RCC2: variants seen among roughly 807,000 people sequenced by gnomAD.
RCC2 encodes the protein regulator of chromosome condensation 2.
RCC2 carries 19 observed loss-of-function variants against 64.1 expected under a neutral mutation model. The ratio of observed to expected loss-of-function variants is 0.30; its 90% CI spans 0.21 to 0.44. The LOEUF (loss-of-function observed/expected upper bound fraction) is 0.44, where lower values mean the gene tolerates loss of function less well. RCC2 is among the 20% of genes least tolerant of loss of function. The probability of loss-of-function intolerance (pLI) is 1.00; values close to 1 mark genes in which losing one functional copy is unlikely to be tolerated. For missense variants in RCC2, 508 were observed against 710.4 expected, an observed-to-expected ratio of 0.72 and a Z score of 3.24; for synonymous variants, 325 against 279.6, an observed-to-expected ratio of 1.16 and a Z score of -1.62.
chr1:17,410,771 G>A (rs985531553), intron 11 of RCC2, among the ~76,000 whole-genome samples: 2 of 152,144 alleles, frequency 1.3e-5, no homozygotes, highest in African/African-American at 2.4e-5. Context: ...CCACACAGTA[G>A]ATGTTCCCTC....
At chr1:17,413,503 A>G (rs200936567) in intron 9 of RCC2, 34 bp downstream of exon 9, 46 of 1,607,386 alleles carry the variant, frequency 2.9e-5, no homozygotes, top group Non-Finnish European at 2.2e-5. Flanking sequence ...TCCGCACCAG[A>G]GCACTGATAA....
At chr1:17,429,579 C>G (rs1486828566) in intron 2 of RCC2, among the ~76,000 whole-genome samples, 1 of 152,200 alleles carries the variant, frequency 6.6e-6, no homozygotes, top group Non-Finnish European at 1.5e-5. Context: ...CATCCTAGGG[C>G]CAAGTCTCTA....
At position 17,409,159 on chromosome 1, in the gene RCC2, T is replaced by G. The variant is rs560459221; in HGVS notation, c.1500A>C (p.Ala500=). The G allele has an allele frequency of 1.3e-4, 217 of 1,614,116 alleles. 1 individual carries two copies. Among genetic ancestry groups the G allele is most frequent in the South Asian group, 7.2e-4 (66 of 91,084 alleles). ...CTTTCTCAGTCTCACTTTCATCTCT[T>G]GCTATCACCAAGGAGTGTGAGTAGC... is the stretch of plus-strand genomic sequence containing the variant. ...AMGYSHSLVI[A]RDESETEKEK... Residue 500 remains alanine, a synonymous_variant, in exon 13 of 13, where the codon GCA becomes GCC. Coordinates refer to ENST00000375436, the MANE Select transcript of RCC2 (RefSeq NM_018715.4).
chr1:17,411,348 G>A (rs950143769), intron 11 of RCC2, among the ~76,000 whole-genome samples: 16 of 152,114 alleles, frequency 1.1e-4, no homozygotes, highest in African/African-American at 2.7e-4. Flanking sequence ...AGGTTGAGGC[G>A]GGTGGATCAC....
At position 17,413,262 on chromosome 1, in the gene RCC2, G is replaced by A. The variant is rs908380729; in HGVS notation, c.1208-84C>T. On this transcript the variant is annotated intron_variant, in intron 9 of 12. Coordinates refer to ENST00000375436, the MANE Select transcript of RCC2 (RefSeq NM_018715.4). The stretch of plus-strand genomic sequence containing the variant: ...TTCAGTATTATCAGGGTGAAAAGAG[G>A]ACGGGATGGCAAACAAGTGTTCTGT... The A allele has an allele frequency of 2.9e-6, 3 of 1,051,936 alleles. No homozygotes were observed. In the African/African-American group the frequency reaches 4.7e-5, roughly 17 times the overall value. 65.2% of individuals were successfully genotyped at this position (1,051,936 alleles called of 1,614,324 possible). A position where few individuals can be genotyped will look rare whatever the true frequency, so the allele number is the denominator to read the frequency against.
chr1:17,418,430 C>A (rs1246952451), intron 7 of RCC2, among the ~76,000 whole-genome samples: 1 of 151,906 alleles, frequency 6.6e-6, no homozygotes, highest in Non-Finnish European at 1.5e-5. Context: ...AGGCTGAGGT[C>A]GGCGGATCAC....
At chr1:17,432,271 G>C (rs1414284884) in intron 2 of RCC2, among the ~76,000 whole-genome samples, 5 of 152,188 alleles carry the variant, frequency 3.3e-5, no homozygotes, top group Non-Finnish European at 5.9e-5. Context: ...GCCCTTCTTT[G>C]TTTAACTGGC....
In RCC2 at chr1:17,407,247, G is replaced by A. The variant is rs534792634; in HGVS notation, c.*1843C>T. On this transcript the variant is annotated 3_prime_UTR_variant, in exon 13 of 13. Coordinates refer to ENST00000375436, the MANE Select transcript of RCC2 (RefSeq NM_018715.4). ...GGCTCCTGCAAAGGCTGGGACCTCGGGTGCTGCGTCCTCAACCCTCTCGGT... is the reference window on the plus strand; with the variant it reads ...GGCTCCTGCAAAGGCTGGGACCTCGAGTGCTGCGTCCTCAACCCTCTCGGT... 6.6e-6 allele frequency: 1 copy of A among 152,140 alleles called. No homozygotes were observed. Among genetic ancestry groups the A allele is most frequent in the East Asian group, 1.9e-4 (1 of 5,176 alleles). The allele number at this position is 152,140 out of a possible 1,614,324, so 9.4% of individuals were successfully genotyped here.
intron 2 of RCC2, among the ~76,000 whole-genome samples, chr1:17,434,432 G>A (rs1333638528): frequency 1.3e-5 from 2 of 152,238 alleles, no homozygotes; most frequent in Admixed American, 6.5e-5. Flanking sequence ...TGGGTGGTCT[G>A]CAGAGGGCAC....
In RCC2 at chr1:17,408,245, G is replaced by A. The variant is rs975203274; in HGVS notation, c.*845C>T. The A allele has an allele frequency of 2.0e-5, 3 of 152,268 alleles. No individual in the cohort carries two copies. Among genetic ancestry groups the A allele is most frequent in the African/African-American group, 7.2e-5 (3 of 41,446 alleles). The allele number at this position is 152,268 out of a possible 1,614,324, so 9.4% of individuals were successfully genotyped here. ...GGACTGGAGAATGCACTTGACTGCT[G>A]GCTGGTCCATCTCTTAATTGGCGAG... On this transcript the variant is annotated 3_prime_UTR_variant, in exon 13 of 13. Coordinates refer to ENST00000375436, the MANE Select transcript of RCC2 (RefSeq NM_018715.4).
At chr1:17,430,797 C>T (rs1325350760) in intron 2 of RCC2, among the ~76,000 whole-genome samples, 4 of 150,342 alleles carry the variant, frequency 2.7e-5, no homozygotes, top group South Asian at 2.2e-4. Context: ...GGCGTGATCT[C>T]GGCTTGCTGC....
chr1:17,431,359 A>AAAAAAAAAAAATATATATATAT (rs1553158471), intron 2 of RCC2, among the ~76,000 whole-genome samples: 1 of 44,936 alleles, frequency 2.2e-5, no homozygotes, highest in Non-Finnish European at 3.8e-5. Flanking sequence ...AAAAAAAAAA[A>AAAAAAAAAAAATATATATATAT]ATATATATAT....
rs138700537 is a variant in RCC2 at position 17,428,551 on chromosome 1, C to T, written c.379+555G>A. 1.6e-3 allele frequency among the ~76,000 whole-genome samples: 239 copies of T among 152,348 alleles called. 2 individuals are homozygous for T. Among genetic ancestry groups the T allele is most frequent in the Middle Eastern group, 0.01 (3 of 294 alleles). ...TAAAAGTTGGCTACATGCCAGCCTT[C>T]CTTCTCCTGGATGGGCCTTTTCCCT... On this transcript the variant is annotated intron_variant, in intron 3 of 12. Transcript: ENST00000375436.
At chr1:17,433,545 C>T (rs1226693130) in intron 2 of RCC2, among the ~76,000 whole-genome samples, 6 of 152,162 alleles carry the variant, frequency 3.9e-5, no homozygotes, top group Admixed American at 6.5e-5. Flanking sequence ...TCAGTGTCTG[C>T]GACCCTGCTT....
At chr1:17,418,434 G>A (rs532146060) in intron 7 of RCC2, among the ~76,000 whole-genome samples, 3 of 152,170 alleles carry the variant, frequency 2.0e-5, no homozygotes, top group East Asian at 1.9e-4. Flanking sequence ...TGAGGTCGGC[G>A]GATCACGAGG....
At chr1:17,438,186 G>A (rs2075761245) in intron 2 of RCC2, 44 bp downstream of exon 2, 2 of 1,157,794 alleles carry the variant, frequency 1.7e-6, no homozygotes, top group South Asian at 3.5e-5. Flanking sequence ...TGAGCCCGCC[G>A]GCCCCGGCCC....
At chr1:17,439,518 T>C (rs1386087010) in intron 1 of RCC2, 27 bp downstream of exon 1, 1 of 144,188 alleles carries the variant, frequency 6.9e-6, no homozygotes, top group Non-Finnish European at 1.5e-5. Flanking sequence ...CCCCACAAAC[T>C]GATCACTGTC....
chr1:17,419,978 C>T lies in RCC2; in HGVS notation c.859+736G>A, dbSNP rs1380354957. On this transcript the variant is annotated intron_variant, in intron 7 of 12. Transcript: ENST00000375436. ...CCAGCGGGCTCGGCGCTATTTTTACCTTTTCCATCTGCCAGGCGCTGCGGC... is the reference window on the plus strand; with the variant it reads ...CCAGCGGGCTCGGCGCTATTTTTACTTTTTCCATCTGCCAGGCGCTGCGGC... Among the ~76,000 whole-genome samples the T allele has an allele frequency of 2.0e-5, 3 of 152,242 alleles. 1 individual carries two copies. Among genetic ancestry groups the T allele is most frequent in the South Asian group, 4.1e-4 (2 of 4,836 alleles).
At chr1:17,427,832 T>G (rs1570198364) in intron 3 of RCC2, among the ~76,000 whole-genome samples, 6 of 146,264 alleles carry the variant, frequency 4.1e-5, no homozygotes, top group African/African-American at 7.7e-5. Context: ...CGGGCAGGGG[T>G]GGGGGAGGGG....
Sources: gnomAD v4.1 joint callset for allele counts (sites outside exome capture counted in the v4.1 genomes callset) on GRCh38, gnomAD v4.1.1 for gene constraint, MANE v1.5 for transcripts, NCBI Gene and HGNC (gene_info 2026-07-23, HGNC 2026-07-21) for gene names.